Variants in CTNNA2 observed in about 807,000 individuals in gnomAD.
CTNNA2 encodes the protein catenin alpha 2, also known as catenin alpha-2.
CTNNA2 carries 42 observed loss-of-function variants against 101.0 expected under a neutral mutation model. The ratio of observed to expected loss-of-function variants is 0.42; its 90% CI spans 0.32 to 0.54. CTNNA2 has a LOEUF of 0.54. Ranked by LOEUF, CTNNA2 falls within the 20% of genes least tolerant of loss-of-function variation. The pLI, the probability that CTNNA2 is intolerant of heterozygous loss-of-function variation, is 0.14. For missense variants in CTNNA2, 871 were observed against 1,223.1 expected (o/e 0.71, Z 4.29); for synonymous variants, 450 against 456.4 (o/e 0.99, Z 0.18).
intron 3 of CTNNA2, among the ~76,000 whole-genome samples, chr2:79,338,104 T>G (rs1028816256): frequency 6.6e-6 from 1 of 151,644 alleles, no homozygotes. Context: ...AAAAATTAGC[T>G]GGGTATGGTG....
chr2:80,194,891 G>T (rs1706738996), intron 7 of CTNNA2, among the ~76,000 whole-genome samples: 4 of 151,448 alleles, frequency 2.6e-5, no homozygotes, highest in Admixed American at 2.6e-4. Context: ...TTTGACTTTA[G>T]ATTCCTGCTT....
At chr2:79,241,919 T>C (rs200113101) in intron 2 of CTNNA2, among the ~76,000 whole-genome samples, 2 of 137,206 alleles carry the variant, frequency 1.5e-5, no homozygotes, top group East Asian at 2.1e-4. Flanking sequence ...CTTTTCTTTT[T>C]TTTTGAGACA....
At chr2:80,513,737 C>T (rs988656966) in intron 9 of CTNNA2, among the ~76,000 whole-genome samples, 2 of 152,162 alleles carry the variant, frequency 1.3e-5, no homozygotes, top group African/African-American at 2.4e-5. Context: ...GAACTAGTCT[C>T]ATAATCCCAT....
chr2:79,590,483 G>A (rs1676775031), intron 1 of CTNNA2, among the ~76,000 whole-genome samples: 1 of 152,092 alleles, frequency 6.6e-6, no homozygotes, highest in Non-Finnish European at 1.5e-5. Flanking sequence ...TATTGATATG[G>A]AGAACTTTGC....
At chr2:79,726,732 T>A (rs1297238835) in intron 2 of CTNNA2, among the ~76,000 whole-genome samples, 2 of 152,246 alleles carry the variant, frequency 1.3e-5, no homozygotes, top group Non-Finnish European at 2.9e-5. Context: ...ATGATGTAAC[T>A]ATTTCTTTGG....
At chr2:79,982,049 T>TTTGTTA (rs1324533519) in intron 7 of CTNNA2, among the ~76,000 whole-genome samples, 8 of 150,978 alleles carry the variant, frequency 5.3e-5, no homozygotes, top group African/African-American at 1.9e-4. Context: ...TGTTTTTGTT[T>TTTGTTA]TTATTTTGAG....
intron 2 of CTNNA2, among the ~76,000 whole-genome samples, chr2:79,729,303 A>T (rs986712930): frequency 5.3e-5 from 8 of 152,082 alleles, no homozygotes; most frequent in African/African-American, 1.9e-4. Context: ...CCTTAAATAA[A>T]CTGTCTTACT....
intron 7 of CTNNA2, among the ~76,000 whole-genome samples, chr2:80,081,162 A>G (rs1699119781): frequency 6.6e-6 from 1 of 151,778 alleles, no homozygotes; most frequent in Non-Finnish European, 1.5e-5. Context: ...CCTTAATAAA[A>G]ACAACATTCT....
chr2:80,512,337 C>G (rs549841039), intron 9 of CTNNA2, among the ~76,000 whole-genome samples: 7 of 152,098 alleles, frequency 4.6e-5, no homozygotes, highest in East Asian at 1.9e-4. Context: ...GGGCATGGAA[C>G]CTTATGTGCT....
intron 17 of CTNNA2, 52 bp from the exon 18 acceptor site, chr2:80,619,033 T>C: frequency 1.6e-6 from 2 of 1,251,420 alleles, no homozygotes; most frequent in Non-Finnish European, 2.1e-6. Context: ...TTTTTTTTTT[T>C]TTCTTTTGCT....
At chr2:79,734,359 G>C (rs1038251463) in intron 2 of CTNNA2, among the ~76,000 whole-genome samples, 6 of 151,826 alleles carry the variant, frequency 4.0e-5, no homozygotes, top group African/African-American at 1.4e-4. Context: ...TTCATTGCTT[G>C]GTTTATTGTG....
At chr2:79,411,526 A>G (rs554876905) in intron 4 of CTNNA2, among the ~76,000 whole-genome samples, 1 of 152,232 alleles carries the variant, frequency 6.6e-6, no homozygotes, top group Non-Finnish European at 1.5e-5. Flanking sequence ...AGGGAAGCCC[A>G]TCAGACTAAC....
At chr2:79,533,895 C>G (rs1672898505) in intron 1 of CTNNA2, among the ~76,000 whole-genome samples, 1 of 152,134 alleles carries the variant, frequency 6.6e-6, no homozygotes, top group African/African-American at 2.4e-5. Context: ...CAAAATCTCT[C>G]TACCAATCTG....
intron 1 of CTNNA2, chr2:79,547,724 G>C (rs1164823054): frequency 6.6e-6 from 1 of 152,238 alleles, no homozygotes; most frequent in Non-Finnish European, 1.5e-5. Flanking sequence ...GACTATCACT[G>C]AGTTTGTCTC....
chr2:80,318,667 G>A (rs1465375529), intron 7 of CTNNA2, among the ~76,000 whole-genome samples: 1 of 152,136 alleles, frequency 6.6e-6, no homozygotes, highest in Non-Finnish European at 1.5e-5. Flanking sequence ...TTATGTGGTG[G>A]GTGGTTTTCT....
At chr2:80,504,143 A>G (rs1465519561) in intron 9 of CTNNA2, among the ~76,000 whole-genome samples, 3 of 152,120 alleles carry the variant, frequency 2.0e-5, no homozygotes, top group Non-Finnish European at 2.9e-5. Context: ...GCCAGTTTTT[A>G]TTCCTTTGAG....
chr2:79,817,563 CT>C (rs1301627370), intron 3 of CTNNA2, among the ~76,000 whole-genome samples: 2 of 152,030 alleles, frequency 1.3e-5, no homozygotes, highest in African/African-American at 4.8e-5. Context: ...TGTGCTCTGT[CT>C]GTGTTGGGTT....
At chr2:80,187,036 A>G (rs992914201) in intron 7 of CTNNA2, among the ~76,000 whole-genome samples, 52 of 152,320 alleles carry the variant, frequency 3.4e-4, no homozygotes, top group African/African-American at 1.3e-3. Flanking sequence ...TTAAAAAATT[A>G]TTTATTCATT....
At chr2:80,227,017 A>G (rs182981001) in intron 7 of CTNNA2, among the ~76,000 whole-genome samples, 18 of 152,346 alleles carry the variant, frequency 1.2e-4, no homozygotes, top group Admixed American at 6.5e-4. Flanking sequence ...TTTAGGATAT[A>G]TCATGTAGCA....
Sources: allele counts gnomAD v4.1 joint callset (sites outside exome capture counted in the v4.1 genomes callset), GRCh38; gene constraint gnomAD v4.1.1; transcripts MANE v1.5; gene names NCBI Gene and HGNC (gene_info 2026-07-23, HGNC 2026-07-21).